Variants in SYMPK observed in about 807,000 individuals in gnomAD.
SYMPK encodes symplekin.
SYMPK carries 49 observed loss-of-function variants against 136.4 expected under a neutral mutation model. The observed-to-expected ratio is 0.36, with a 90% CI of 0.29 to 0.46. The LOEUF (loss-of-function observed/expected upper bound fraction) is 0.46. Among genes scored for constraint, SYMPK ranks in the 20% least tolerant of loss-of-function variants. The pLI is 1.00. For synonymous variants in SYMPK, 766 were observed against 713.0 expected (o/e 1.07, Z -1.19); for missense variants, 1,365 against 1,690.0 (o/e 0.81, Z 3.37).
chr19:45,851,586 A>G (rs1453782459), intron 5 of SYMPK, among the ~76,000 whole-genome samples: 3 of 151,002 alleles, frequency 2.0e-5, no homozygotes, highest in Non-Finnish European at 4.4e-5. Context: ...TCAAAAAAAA[A>G]AAAAAGGCCA....
At chr19:45,829,339 C>CGAGGACCCTTATGCCTAGG in intron 13 of SYMPK, 134 bp from the exon 14 acceptor site, 1 of 748,562 alleles carries the variant, frequency 1.3e-6, no homozygotes, top group Non-Finnish European at 2.2e-6. Context: ...GAAGGCCAGC[C>CGAGGACCCTTATGCCTAGG]GAGGACCCTT....
At chr19:45,827,042 AC>A (rs1971056658) in intron 16 of SYMPK, among the ~76,000 whole-genome samples, 1 of 151,834 alleles carries the variant, frequency 6.6e-6, no homozygotes, top group Non-Finnish European at 1.5e-5. Flanking sequence ...CCACCCCACA[AC>A]CAGATGGTCG....
chr19:45,827,833 T>C lies in SYMPK; in HGVS notation c.2067+4A>G. ...GGGCTGCACTGACCAGGGCCTGTCC[T>C]CACCTCATCCTCGCAGTACTTGCGG... On this transcript the variant is annotated splice_donor_region_variant and intron_variant, in intron 15 of 26. Transcript: ENST00000245934. 1.2e-6 allele frequency: 2 copies of C among 1,613,918 alleles called. No individual in the cohort carries two copies. Among genetic ancestry groups the C allele is most frequent in the South Asian group, 2.2e-5 (2 of 91,084 alleles).
Position 45,815,731 on chromosome 19 carries a change from G to A in SYMPK, c.3688-34C>T, listed in dbSNP as rs371076569. The A allele has an allele frequency of 3.7e-4, 597 of 1,603,670 alleles. 1 individual carries two copies. The highest frequency in any genetic ancestry group is 4.9e-4 in the Non-Finnish European group (572 of 1,176,046). ...CGGGGAAGGAAAGGGCAGCCGGGTG[G>A]AGGGCGCGGTCACCTCCACGCTCCC... On this transcript the variant is annotated intron_variant, in intron 26 of 26. Coordinates refer to ENST00000245934, the MANE Select transcript of SYMPK (RefSeq NM_004819.3).
chr19:45,821,531 T>C lies in SYMPK; in HGVS notation c.2792-46A>G. ...GGTGGGGGAAGACAGTGCGGACGCA[T>C]AAGTGAAGAGATGGGTCTGAGTTCC... On this transcript the variant is annotated intron_variant, in intron 21 of 26. Transcript: ENST00000245934. This position sits in a 1 kb window ranked among gnomAD's most constrained non-coding sequence, Gnocchi z 4.4. 1.5e-6 allele frequency: 2 copies of C among 1,359,992 alleles called. No individual in the cohort carries two copies. The highest frequency in any genetic ancestry group is 2.1e-6 in the Non-Finnish European group (2 of 957,112). The allele number at this position is 1,359,992 out of a possible 1,614,324, so 84.2% of individuals were successfully genotyped here. A position where few individuals can be genotyped will look rare whatever the true frequency, so the allele number is the denominator to read the frequency against.
Position 45,827,358 on chromosome 19 carries a change from A to AAAC in SYMPK, c.2181+151_2181+152insGTT, listed in dbSNP as rs5828252. ...ATGCCACTGAAAATGAAAATAAAAC[A>AAAC]GACAGAAATAGCCAAAAAACCACTG... is the stretch of plus-strand genomic sequence containing the variant. On this transcript the variant is annotated intron_variant, in intron 16 of 26. Coordinates refer to ENST00000245934, the MANE Select transcript of SYMPK (RefSeq NM_004819.3). 539 of 635,120 alleles carry AAAC rather than the reference A, an allele frequency of 8.5e-4. 2 individuals are homozygous for AAAC. In the African/African-American group the frequency reaches 8.8e-3, roughly 10 times the overall value. 39.3% of individuals were successfully genotyped at this position (635,120 alleles called of 1,614,324 possible). A position where few individuals can be genotyped will look rare whatever the true frequency, so the allele number is the denominator to read the frequency against.
At chr19:45,817,868 T>A (rs1241809797) in intron 23 of SYMPK, 91 bp downstream of exon 23, 1 of 1,338,932 alleles carries the variant, frequency 7.5e-7, no homozygotes, top group Non-Finnish European at 1.0e-6. Flanking sequence ...TCCACCGGGC[T>A]CCCTCCGGGG....
chr19:45,816,011 G>T lies in SYMPK; in HGVS notation c.3527C>A (p.Pro1176Gln), dbSNP rs769497793. The T allele has an allele frequency of 4.4e-6, 7 of 1,596,718 alleles. No individual in the cohort carries two copies. The highest frequency in any genetic ancestry group is 3.4e-6 in the Non-Finnish European group (4 of 1,171,998). ...CGGGGGCGGGCCTGGCCGGGCCGAC[G>T]GAGAGGGAGAGGGGGAGGAAGAGGA... ...APSSSSPSPSPSARPGPPPSE... is the reference protein window; with the variant it reads ...APSSSSPSPSQSARPGPPPSE... The change falls in exon 26 of 27, where the codon CCG (proline) becomes CAG (glutamine). Residue 1176 changes from proline to glutamine, a missense_variant. Around this residue, in one of 11 missense-constraint regions of SYMPK, gnomAD observed 341 missense variants for 270.5 expected, o/e 1.26. Coordinates refer to ENST00000245934, the MANE Select transcript of SYMPK (RefSeq NM_004819.3).
In SYMPK at chr19:45,842,218, T is replaced by C. The variant is rs779519979; in HGVS notation, c.1087+32A>G. 3.1e-6 allele frequency: 5 copies of C among 1,612,636 alleles called. No individual in the cohort carries two copies. In the African/African-American group the frequency reaches 5.3e-5, roughly 17 times the overall value. Reference sequence around the variant, plus strand: ...TAAATAATGAAACATTTCAGCATGGTCTGCCTGCCCCACCCCACCAGCCCC... The same window carrying C: ...TAAATAATGAAACATTTCAGCATGGCCTGCCTGCCCCACCCCACCAGCCCC... On this transcript the variant is annotated intron_variant, in intron 9 of 26. Transcript: ENST00000245934.
rs1971608227 is a variant in SYMPK at position 45,847,978 on chromosome 19, A to G, written c.450T>C (p.Ile150=). 1 of 1,599,024 alleles carries G rather than the reference A, an allele frequency of 6.3e-7. No homozygotes were observed. ...CCCAGCAGGCCTCCTGTAGCTCGCTAATGACCCGTGACTTTACCATCCACT... is the reference window on the plus strand; with the variant it reads ...CCCAGCAGGCCTCCTGTAGCTCGCTGATGACCCGTGACTTTACCATCCACT... The part of the protein sequence containing the change: ...ALQWMVKSRV[I]SELQEACWDM... Residue 150 remains isoleucine, a synonymous_variant, in exon 7 of 27, where the codon ATT becomes ATC. Transcript: ENST00000245934.
chr19:45,823,675 C>A, intron 19 of SYMPK, 92 bp downstream of exon 19: 1 of 1,188,464 alleles, frequency 8.4e-7, no homozygotes, highest in South Asian at 1.3e-5. Context: ...GAGGTACGAC[C>A]ATCTGGGGAC....
chr19:45,854,879 CTTTT>C (rs35065812), intron 1 of SYMPK: 32 of 155,258 alleles, frequency 2.1e-4, no homozygotes, highest in South Asian at 2.8e-4. Flanking sequence ...AGCAAACTTT[CTTTT>C]TTTTTTTTTT....
chr19:45,839,517 A>T (rs1008927822), intron 9 of SYMPK, among the ~76,000 whole-genome samples: 2 of 152,218 alleles, frequency 1.3e-5, no homozygotes, highest in African/African-American at 4.8e-5. Flanking sequence ...AGTATAGAAT[A>T]ATAGACTCAG....
At chr19:45,832,323 G>A (rs1971200822) in intron 11 of SYMPK, among the ~76,000 whole-genome samples, 1 of 151,832 alleles carries the variant, frequency 6.6e-6, no homozygotes, top group Non-Finnish European at 1.5e-5. Context: ...TTTGTTTTCA[G>A]TAGAGACGGG....
chr19:45,820,020 C>G (rs999488953), intron 22 of SYMPK: 1 of 152,470 alleles, frequency 6.6e-6, no homozygotes, highest in Non-Finnish European at 1.5e-5. Flanking sequence ...GGCCTCACTC[C>G]TGGTGGCCTG....
At chr19:45,831,261 T>C in intron 12 of SYMPK, 123 bp downstream of exon 12, 1 of 697,560 alleles carries the variant, frequency 1.4e-6, no homozygotes, top group Non-Finnish European at 2.1e-6. Context: ...ATTCCAGACT[T>C]CCTTCTGTCT....
At chr19:45,847,493 A>T (rs1971591061) in intron 7 of SYMPK, among the ~76,000 whole-genome samples, 1 of 152,170 alleles carries the variant, frequency 6.6e-6, no homozygotes, top group Non-Finnish European at 1.5e-5. Flanking sequence ...ACTTCACTAC[A>T]AACCTGTGAG....
Position 45,829,113 on chromosome 19 carries a change from G to C in SYMPK, c.1842C>G (p.Ala614=), listed in dbSNP as rs780756946. The change falls in exon 14 of 27, where the codon GCC becomes GCG. Residue 614 remains alanine, a synonymous_variant. Coordinates refer to ENST00000245934, the MANE Select transcript of SYMPK (RefSeq NM_004819.3). ...VLSFILEDVR[A]RLDLAFAWLY... ...GCCAGGCGAAGGCCAGGTCCAGGCGGGCCCGCACATCCTCCAGGATGAAGG... is the reference window on the plus strand; with the variant it reads ...GCCAGGCGAAGGCCAGGTCCAGGCGCGCCCGCACATCCTCCAGGATGAAGG... 1.2e-6 allele frequency: 2 copies of C among 1,614,206 alleles called. No homozygotes were observed. The highest frequency in any genetic ancestry group is 2.2e-5 in the East Asian group (1 of 44,886).
intron 1 of SYMPK, among the ~76,000 whole-genome samples, chr19:45,857,552 C>T (rs1438995880): frequency 1.3e-5 from 2 of 150,694 alleles, no homozygotes; most frequent in Non-Finnish European, 1.5e-5. Context: ...AGTGCAGTGG[C>T]GTGATCGTGG....
Sources: allele counts gnomAD v4.1 joint callset (sites outside exome capture counted in the v4.1 genomes callset), GRCh38; gene constraint gnomAD v4.1.1; regional missense constraint gnomAD v4.1.1; non-coding constraint Gnocchi (gnomAD v3.1); transcripts MANE v1.5; gene names NCBI Gene and HGNC (gene_info 2026-07-23, HGNC 2026-07-21).